DGKI: variants seen among roughly 807,000 people sequenced by gnomAD.
DGKI encodes DAG kinase iota.
A neutral mutation model predicts 147.5 loss-of-function variants in DGKI; 55 were observed. The observed-to-expected ratio is 0.37, with a 90% CI of 0.30 to 0.47. The LOEUF is 0.47. Among genes scored for constraint, DGKI ranks in the 20% least tolerant of loss-of-function variants. DGKI has a pLI of 1.00. For synonymous variants in DGKI, 469 were observed against 477.1 expected, an observed-to-expected ratio of 0.98 and a Z score of 0.22; for missense variants, 1,007 against 1,323.8, an observed-to-expected ratio of 0.76 and a Z score of 3.71.
chr7:137,725,674 C>T (rs1794696923), intron 1 of DGKI, among the ~76,000 whole-genome samples: 1 of 151,846 alleles, frequency 6.6e-6, no homozygotes, highest in African/African-American at 2.4e-5. Context: ...TAGAAAACTA[C>T]AAGTGGTGGG....
intron 1 of DGKI, among the ~76,000 whole-genome samples, chr7:137,828,863 G>A (rs1237985277): frequency 1.3e-5 from 2 of 152,138 alleles, no homozygotes; most frequent in Non-Finnish European, 2.9e-5. Flanking sequence ...AACATGATGG[G>A]AACTGATGTT....
At chr7:137,653,671 C>T (rs1177153315) in intron 5 of DGKI, among the ~76,000 whole-genome samples, 1 of 152,218 alleles carries the variant, frequency 6.6e-6, no homozygotes. Flanking sequence ...TCTGACCCCT[C>T]TCCTCTCTTT....
At chr7:137,399,920 A>G (rs1054667195) in intron 30 of DGKI, among the ~76,000 whole-genome samples, 2 of 152,018 alleles carry the variant, frequency 1.3e-5, no homozygotes, top group Non-Finnish European at 2.9e-5. Flanking sequence ...TCAAAAAAAA[A>G]AAAAAGAAAG....
intron 3 of DGKI, among the ~76,000 whole-genome samples, chr7:137,663,479 G>A (rs191721330): frequency 1.6e-4 from 25 of 152,322 alleles, no homozygotes; most frequent in Admixed American, 4.6e-4. Context: ...GTCTCTTTAC[G>A]TAGTAGGCAC....
In DGKI at chr7:137,768,680, T is replaced by A. The variant is rs1796090622; in HGVS notation, c.401+77782A>T. 3.3e-5 allele frequency among the ~76,000 whole-genome samples: 5 copies of A among 152,158 alleles called. No homozygotes were observed. The South Asian group carries it at 1.0e-3, about 32-fold the overall frequency. ...CATTACATAAGGTGCCCTGAATCTTTGCCCCATCCTGCCCTTCTCTGGCCC... is the reference window on the plus strand; with the variant it reads ...CATTACATAAGGTGCCCTGAATCTTAGCCCCATCCTGCCCTTCTCTGGCCC... On this transcript the variant is annotated intron_variant, in intron 1 of 32. Transcript: ENST00000614521.
chr7:137,493,458 C>T (rs1011660385), intron 21 of DGKI, among the ~76,000 whole-genome samples: 2 of 152,182 alleles, frequency 1.3e-5, no homozygotes, highest in African/African-American at 4.8e-5. Flanking sequence ...CACTGCCCAT[C>T]AAGGCAACAG....
intron 1 of DGKI, among the ~76,000 whole-genome samples, chr7:137,825,580 G>A (rs1390707235): frequency 1.3e-5 from 2 of 151,826 alleles, no homozygotes; most frequent in African/African-American, 2.4e-5. Context: ...CATGAAAAAC[G>A]CCCATTTACA....
At chr7:137,499,328 G>A (rs760217258) in intron 21 of DGKI, among the ~76,000 whole-genome samples, 16 of 152,218 alleles carry the variant, frequency 1.1e-4, no homozygotes, top group African/African-American at 3.1e-4. Flanking sequence ...TTGTATATAC[G>A]CACTGTGATG....
At position 137,391,191 on chromosome 7, in the gene DGKI, C is replaced by T. The variant is rs1426548021; in HGVS notation, c.*29G>A. ...AGGGAGGGCAGATGTGATACGCTTG[C>T]TCATGTCCTCTTTGCCCGAATACCA... On this transcript the variant is annotated 3_prime_UTR_variant, in exon 33 of 33. Transcript: ENST00000614521. 2.6e-6 allele frequency: 4 copies of T among 1,554,270 alleles called. No individual in the cohort carries two copies. Among genetic ancestry groups the T allele is most frequent in the Admixed American group, 3.3e-5 (2 of 59,942 alleles).
Position 137,552,231 on chromosome 7 carries a change from G to C in DGKI, c.2147+138C>G. 4 of 792,272 alleles carry C rather than the reference G, an allele frequency of 5.0e-6. No homozygotes were observed. The South Asian group carries it at 5.4e-5, about 11-fold the overall frequency. 49.1% of individuals were successfully genotyped at this position (792,272 alleles called of 1,614,324 possible). A position where few individuals can be genotyped will look rare whatever the true frequency, so the allele number is the denominator to read the frequency against. ...AAAAAAACTCTATGTGTTCCTATGA[G>C]AGAAACCAAGGAACTACTGAGTCTC... On this transcript the variant is annotated intron_variant, in intron 20 of 32. Coordinates refer to ENST00000614521, the MANE Select transcript of DGKI (RefSeq NM_001321708.2).
At chr7:137,561,985 CTATT>C (rs1238992682) in intron 19 of DGKI, among the ~76,000 whole-genome samples, 3 of 152,204 alleles carry the variant, frequency 2.0e-5, no homozygotes, top group Admixed American at 1.3e-4. Context: ...AAATTTAAAA[CTATT>C]TGTTGCCAAC....
chr7:137,784,716 T>C (rs1796614861), intron 1 of DGKI, among the ~76,000 whole-genome samples: 1 of 152,136 alleles, frequency 6.6e-6, no homozygotes. Flanking sequence ...ATAGACCATA[T>C]GATAGGCCAC....
chr7:137,732,598 A>G (rs770329207), intron 1 of DGKI, among the ~76,000 whole-genome samples: 4 of 151,956 alleles, frequency 2.6e-5, no homozygotes, highest in African/African-American at 4.8e-5. Context: ...GCAGACTGTG[A>G]TAATTAACCC....
chr7:137,468,493 G>C (rs1814748280), intron 24 of DGKI, among the ~76,000 whole-genome samples: 1 of 152,162 alleles, frequency 6.6e-6, no homozygotes, highest in Non-Finnish European at 1.5e-5. Flanking sequence ...ATGGAATAAA[G>C]AAGCTGGAGG....
intron 1 of DGKI, among the ~76,000 whole-genome samples, chr7:137,748,728 A>G (rs1053536885): frequency 1.3e-5 from 2 of 152,194 alleles, no homozygotes; most frequent in Non-Finnish European, 2.9e-5. Context: ...TCCATTTTAA[A>G]TCCACCATTC....
At chr7:137,455,069 T>C (rs1814136332) in intron 27 of DGKI, among the ~76,000 whole-genome samples, 1 of 152,106 alleles carries the variant, frequency 6.6e-6, no homozygotes, top group Non-Finnish European at 1.5e-5. Context: ...CAGCTACTTA[T>C]TTTTAGGAAA....
intron 1 of DGKI, among the ~76,000 whole-genome samples, chr7:137,839,926 T>C (rs754737206): frequency 2.0e-5 from 3 of 152,182 alleles, no homozygotes; most frequent in African/African-American, 7.2e-5. Flanking sequence ...GAAAATGCTG[T>C]TTGCTTTATT....
Position 137,395,653 on chromosome 7 carries a change from G to A in DGKI, c.3002C>T (p.Ala1001Val). The change falls in exon 32 of 33, where the codon GCT (alanine) becomes GTT (valine). Residue 1001 changes from alanine (A) to valine (V), a missense_variant. By Grantham distance (64) the Ala-to-Val change is moderately conservative. Around this residue, in one of 5 missense-constraint regions of DGKI, gnomAD observed 385 missense variants for 445.2 expected, o/e 0.86. Coordinates refer to ENST00000614521, the MANE Select transcript of DGKI (RefSeq NM_001321708.2). ...LHKAACQRNR[A>V]VCQLLVDAGA... ...TGCATCCACCAGAAGCTGGCACACA[G>A]CCCGGTTCCGCTGGCAGGCAGCCTT... The A allele has an allele frequency of 6.2e-7, 1 of 1,614,160 alleles. No homozygotes were observed. Among genetic ancestry groups the A allele is most frequent in the South Asian group, 1.1e-5 (1 of 91,090 alleles).
intron 6 of DGKI, among the ~76,000 whole-genome samples, chr7:137,629,551 G>C (rs989706808): frequency 2.6e-5 from 4 of 152,202 alleles, no homozygotes; most frequent in African/African-American, 7.2e-5. Flanking sequence ...AAGCAACTGA[G>C]ACCTTCACGT....
Sources: gnomAD v4.1 joint callset for allele counts (sites outside exome capture counted in the v4.1 genomes callset) on GRCh38, gnomAD v4.1.1 for gene constraint, gnomAD v4.1.1 regional missense constraint, MANE v1.5 for transcripts, NCBI Gene and HGNC (gene_info 2026-07-23, HGNC 2026-07-21) for gene names.